KCNJ6: variants seen among roughly 807,000 people sequenced by gnomAD.
KCNJ6 encodes potassium inwardly rectifying channel subfamily J member 6.
A neutral mutation model predicts 34.2 loss-of-function variants in KCNJ6; 9 were observed. That is an observed-to-expected ratio of 0.26 (90% CI 0.16 to 0.46). The LOEUF (loss-of-function observed/expected upper bound fraction) is 0.46, where lower values mean the gene tolerates loss of function less well. Ranked by LOEUF, KCNJ6 falls within the 20% of genes least tolerant of loss-of-function variation. The probability of loss-of-function intolerance (pLI) is 1.00; values close to 1 mark genes in which losing one functional copy is unlikely to be tolerated. For missense variants in KCNJ6, 236 were observed against 531.3 expected (o/e 0.44, Z 5.46); for synonymous variants, 196 against 207.1 (o/e 0.95, Z 0.46).
At chr21:37,670,548 T>A (rs939942289) in intron 3 of KCNJ6, among the ~76,000 whole-genome samples, 1 of 152,150 alleles carries the variant, frequency 6.6e-6, no homozygotes, top group Non-Finnish European at 1.5e-5. Flanking sequence ...GCAGATAACT[T>A]GAGCTCAGGA....
intron 2 of KCNJ6, among the ~76,000 whole-genome samples, chr21:37,744,121 A>G (rs1041681735): frequency 5.6e-4 from 76 of 135,192 alleles, no homozygotes; most frequent in African/African-American, 2.1e-3. Context: ...ATGAGAACAC[A>G]TGGACACAGG....
intron 3 of KCNJ6, among the ~76,000 whole-genome samples, chr21:37,683,695 A>C (rs1312576817): frequency 2.0e-5 from 3 of 152,156 alleles, no homozygotes; most frequent in Non-Finnish European, 4.4e-5. Flanking sequence ...ACAGAAGCCA[A>C]CCCCAAGGGA....
At chr21:37,772,256 C>G (rs562389403) in intron 2 of KCNJ6, among the ~76,000 whole-genome samples, 1 of 152,134 alleles carries the variant, frequency 6.6e-6, no homozygotes, top group African/African-American at 2.4e-5. Flanking sequence ...AAACAGAGCA[C>G]GCCGAGACAA....
intron 1 of KCNJ6, among the ~76,000 whole-genome samples, chr21:37,868,544 G>A (rs1409290653): frequency 1.3e-5 from 2 of 152,152 alleles, no homozygotes; most frequent in East Asian, 3.8e-4. Context: ...CCAGACAAGG[G>A]AGGAGAAACA....
chr21:37,896,483 A>G (rs1314604306), intron 1 of KCNJ6, among the ~76,000 whole-genome samples: 1 of 152,272 alleles, frequency 6.6e-6, no homozygotes, highest in East Asian at 1.9e-4. Context: ...CCTGCCTGGC[A>G]TGGGGTTCGG....
intron 2 of KCNJ6, among the ~76,000 whole-genome samples, chr21:37,781,549 G>A (rs576363356): frequency 6.6e-6 from 1 of 152,168 alleles, no homozygotes; most frequent in Non-Finnish European, 1.5e-5. Flanking sequence ...TGAAAATTAT[G>A]ATGATGAGGA....
intron 2 of KCNJ6, among the ~76,000 whole-genome samples, chr21:37,818,876 C>A (rs1473591576): frequency 6.6e-6 from 1 of 151,586 alleles, no homozygotes; most frequent in East Asian, 1.9e-4. Context: ...AGGTGTAGAT[C>A]TTGCTGTAAG....
chr21:37,674,451 C>T (rs1197375696), intron 3 of KCNJ6, among the ~76,000 whole-genome samples: 1 of 152,068 alleles, frequency 6.6e-6, no homozygotes, highest in Non-Finnish European at 1.5e-5. Context: ...CCACACAAAG[C>T]TCTCCCTGGC....
At chr21:37,816,444 C>T (rs1053121271) in intron 2 of KCNJ6, among the ~76,000 whole-genome samples, 5 of 152,254 alleles carry the variant, frequency 3.3e-5, no homozygotes, top group Non-Finnish European at 7.3e-5. Flanking sequence ...GTACATGCTG[C>T]TGTGATAACA....
intron 2 of KCNJ6, among the ~76,000 whole-genome samples, chr21:37,750,908 C>T (rs2054992224): frequency 1.3e-5 from 2 of 152,138 alleles, no homozygotes; most frequent in Admixed American, 1.3e-4. Context: ...TTATTAGAAG[C>T]TAAAACTTGG....
chr21:37,671,206 C>T (rs2054540760), intron 3 of KCNJ6, among the ~76,000 whole-genome samples: 1 of 152,188 alleles, frequency 6.6e-6, no homozygotes, highest in Non-Finnish European at 1.5e-5. Context: ...CTTTCGGTCC[C>T]ACCCCCAACC....
At position 37,775,706 on chromosome 21, in the gene KCNJ6, C is replaced by T. The variant is rs527714779; in HGVS notation, c.26-60575G>A. On this transcript the variant is annotated intron_variant, in intron 2 of 3. Coordinates refer to ENST00000609713, the MANE Select transcript of KCNJ6 (RefSeq NM_002240.5). ...GAGGGCTCTGTTCTGTTCCGTTGGT[C>T]TATATTTCTGTTTTGGTACCAGTAC... 1.3e-3 allele frequency among the ~76,000 whole-genome samples: 191 copies of T among 152,138 alleles called. 1 individual carries two copies. Among genetic ancestry groups the T allele is most frequent in the African/African-American group, 4.5e-3 (188 of 41,488 alleles).
intron 3 of KCNJ6, among the ~76,000 whole-genome samples, chr21:37,659,650 G>C (rs2054479318): frequency 6.6e-6 from 1 of 152,202 alleles, no homozygotes; most frequent in Admixed American, 6.5e-5. Context: ...GAGTCTGAGT[G>C]GGTACAGGGC....
chr21:37,703,784 C>A (rs1288077158), intron 3 of KCNJ6, among the ~76,000 whole-genome samples: 1 of 152,082 alleles, frequency 6.6e-6, no homozygotes, highest in East Asian at 1.9e-4. Context: ...CGCCACTGTG[C>A]CATTCTACCT....
chr21:37,641,215 A>G (rs1349605904), intron 3 of KCNJ6, among the ~76,000 whole-genome samples: 1 of 152,168 alleles, frequency 6.6e-6, no homozygotes, highest in Non-Finnish European at 1.5e-5. Context: ...CCACAATTTT[A>G]TCTCCATTCC....
intron 3 of KCNJ6, among the ~76,000 whole-genome samples, chr21:37,663,925 T>G (rs1446759911): frequency 1.3e-5 from 2 of 152,212 alleles, no homozygotes; most frequent in African/African-American, 2.4e-5. Flanking sequence ...TGCATTCTTT[T>G]TAAGCACCTA....
At position 37,621,534 on chromosome 21, in the gene KCNJ6, T is replaced by A. The variant is rs904190727; in HGVS notation, c.*3625A>T. Reference sequence around the variant, plus strand: ...GCTCTGGAGAATTCAAAATTTAGACTATTAAATGAAGTCATGAATAATTTT... The same window carrying A: ...GCTCTGGAGAATTCAAAATTTAGACAATTAAATGAAGTCATGAATAATTTT... On this transcript the variant is annotated 3_prime_UTR_variant, in exon 4 of 4. Coordinates refer to ENST00000609713, the MANE Select transcript of KCNJ6 (RefSeq NM_002240.5). The A allele has an allele frequency of 6.6e-6, 1 of 152,236 alleles. No individual in the cohort carries two copies. The highest frequency in any genetic ancestry group is 6.5e-5 in the Admixed American group (1 of 15,286). 9.4% of individuals were successfully genotyped at this position (152,236 alleles called of 1,614,324 possible). A position where few individuals can be genotyped will look rare whatever the true frequency, so the allele number is the denominator to read the frequency against.
At chr21:37,777,786 C>T (rs1318763245) in intron 2 of KCNJ6, among the ~76,000 whole-genome samples, 4 of 152,182 alleles carry the variant, frequency 2.6e-5, no homozygotes, top group Non-Finnish European at 5.9e-5. Context: ...TTCAACCTGG[C>T]TCTGTCACCA....
At chr21:37,709,851 G>A (rs565848223) in intron 3 of KCNJ6, among the ~76,000 whole-genome samples, 7 of 152,214 alleles carry the variant, frequency 4.6e-5, no homozygotes, top group Non-Finnish European at 1.0e-4. Context: ...GAGCTTTTCT[G>A]TGGTGAAGGA....
Sources: gnomAD v4.1 joint callset for allele counts (sites outside exome capture counted in the v4.1 genomes callset) on GRCh38, gnomAD v4.1.1 for gene constraint, MANE v1.5 for transcripts, NCBI Gene and HGNC (gene_info 2026-07-23, HGNC 2026-07-21) for gene names.